The following TTC8 variants were observed in gnomAD, a reference collection of about 807,000 sequenced individuals.
TTC8 encodes tetratricopeptide repeat domain 8, also known as tetratricopeptide repeat protein 8.
TTC8 carries 47 observed loss-of-function variants against 72.5 expected under a neutral mutation model. The observed-to-expected ratio is 0.65, with a 90% CI of 0.51 to 0.83. The LOEUF (loss-of-function observed/expected upper bound fraction) is 0.83, where lower values mean the gene tolerates loss of function less well. Ranked by LOEUF, TTC8 falls within the 40% of genes least tolerant of loss-of-function variation. The probability of loss-of-function intolerance (pLI) is 0.00; values close to 1 mark genes in which losing one functional copy is unlikely to be tolerated. For missense variants in TTC8, 611 were observed against 623.2 expected (o/e 0.98, Z 0.21); for synonymous variants, 199 against 221.4 (o/e 0.90, Z 0.90).
intron 10 of TTC8, among the ~76,000 whole-genome samples, chr14:88,863,998 A>G (rs1418983047): frequency 2.0e-5 from 3 of 152,174 alleles, no homozygotes; most frequent in African/African-American, 7.2e-5. Flanking sequence ...CTTCCAATAT[A>G]ATATTGAACA....
At chr14:88,834,301 G>A (rs2094739815) in intron 2 of TTC8, among the ~76,000 whole-genome samples, 1 of 152,128 alleles carries the variant, frequency 6.6e-6, no homozygotes, top group South Asian at 2.1e-4. Flanking sequence ...TGAATTGGGA[G>A]GAAACCCTGG....
At chr14:88,880,640 T>TC (rs1250392197), downstream of TTC8, 5 of 152,092 alleles carry the variant, frequency 3.3e-5, no homozygotes, top group African/African-American at 1.2e-4. Context: ...TATTTGAAAC[T>TC]CAAGTTTTTA....
At chr14:88,853,157 G>C in intron 8 of TTC8, 101 bp downstream of exon 8, 1 of 815,658 alleles carries the variant, frequency 1.2e-6, no homozygotes. Context: ...ATGAAGAAAT[G>C]AGAACTGTGT....
intron 9 of TTC8, among the ~76,000 whole-genome samples, chr14:88,857,583 A>G (rs544770821): frequency 4.6e-5 from 7 of 152,316 alleles, no homozygotes; most frequent in Admixed American, 1.3e-4. Flanking sequence ...CTTATTTTCT[A>G]CAGTACCTTT....
At chr14:88,827,021 A>G (rs1035117173) in intron 1 of TTC8, among the ~76,000 whole-genome samples, 1 of 151,646 alleles carries the variant, frequency 6.6e-6, no homozygotes, top group Non-Finnish European at 1.5e-5. Context: ...TGACCACCGG[A>G]TTCCTTTTTT....
At chr14:88,839,725 A>G (rs974569468) in intron 3 of TTC8, among the ~76,000 whole-genome samples, 153 bp downstream of exon 3, 6 of 152,194 alleles carry the variant, frequency 3.9e-5, no homozygotes, top group African/African-American at 1.4e-4. Context: ...CATTACTTCA[A>G]GTAAATGGTT....
intron 7 of TTC8, chr14:88,846,573 TG>T (rs1566841109): frequency 7.9e-7 from 1 of 1,272,428 alleles, no homozygotes; most frequent in South Asian, 1.3e-5. Context: ...TTGTAGGTCA[TG>T]GTGACAATGT....
At chr14:88,839,251 T>TA (rs1351899413) in intron 2 of TTC8, among the ~76,000 whole-genome samples, 3 of 152,120 alleles carry the variant, frequency 2.0e-5, no homozygotes, top group Non-Finnish European at 4.4e-5. Flanking sequence ...ATGTAATTGA[T>TA]ACATTGGTTG....
At chr14:88,837,437 T>G (rs1430523595) in intron 2 of TTC8, among the ~76,000 whole-genome samples, 2 of 152,220 alleles carry the variant, frequency 1.3e-5, no homozygotes, top group Admixed American at 1.3e-4. Flanking sequence ...TCCCATTACA[T>G]GGAAATTCTT....
intron 7 of TTC8, chr14:88,846,774 C>A: frequency 1.6e-6 from 1 of 627,252 alleles, no homozygotes; most frequent in Non-Finnish European, 2.5e-6. Context: ...CATAGTTCTT[C>A]ATGCATATGA....
At chr14:88,878,622 G>C (rs1470447204), downstream of TTC8, 1 of 152,106 alleles carries the variant, frequency 6.6e-6, no homozygotes, top group Admixed American at 6.5e-5. Context: ...ACCTTTCTTG[G>C]TTCTCTGTGA....
At chr14:88,843,732 G>C in intron 6 of TTC8, 74 bp from the exon 7 acceptor site, 2 of 1,064,892 alleles carry the variant, frequency 1.9e-6, no homozygotes, top group Non-Finnish European at 2.8e-6. Context: ...TAAATCCAGG[G>C]CTTTAGAGTA....
At chr14:88,867,645 T>G (rs956432074) in intron 10 of TTC8, among the ~76,000 whole-genome samples, 5 of 152,232 alleles carry the variant, frequency 3.3e-5, no homozygotes, top group African/African-American at 1.2e-4. Flanking sequence ...TTATAAAACT[T>G]AATTGAAAAC....
At chr14:88,857,425 G>A in intron 9 of TTC8, 148 bp downstream of exon 9, 20 of 718,136 alleles carry the variant, frequency 2.8e-5, no homozygotes, top group Admixed American at 1.3e-4. Flanking sequence ...TACAGCAAGG[G>A]AAAAAATGAG....
At chr14:88,829,775 A>C (rs1595926509) in intron 1 of TTC8, among the ~76,000 whole-genome samples, 1 of 152,304 alleles carries the variant, frequency 6.6e-6, no homozygotes, top group African/African-American at 2.4e-5. Flanking sequence ...GCTGAAAATG[A>C]CTGGCTTAGA....
At chr14:88,843,903 A>C in intron 7 of TTC8, 53 bp downstream of exon 7, 1 of 1,296,778 alleles carries the variant, frequency 7.7e-7, no homozygotes, top group Non-Finnish European at 1.1e-6. Context: ...CTGACTTTGG[A>C]AGTTTAGATT....
Position 88,871,620 on chromosome 14 carries a change from A to C in TTC8, c.1121A>C (p.Gln374Pro), listed in dbSNP as rs1390494200. The change falls in exon 12 of 15, where the codon CAG becomes CCG. Residue 374 changes from glutamine (Q) to proline (P), a missense_variant. Coordinates refer to ENST00000380656, the MANE Select transcript of TTC8 (RefSeq NM_144596.4). This position sits in a 1 kb window ranked among gnomAD's most constrained non-coding sequence, Gnocchi z 4.1. Reference sequence around the variant, plus strand: ...CTGGGGCTGTGTTGCTTCTATGCCCAGCAGTATGATATGACTCTGACCTCA... The same window carrying C: ...CTGGGGCTGTGTTGCTTCTATGCCCCGCAGTATGATATGACTCTGACCTCA... ...NNLGLCCFYA[Q>P]QYDMTLTSFE... 6.2e-7 allele frequency: 1 copy of C among 1,614,130 alleles called. No individual in the cohort carries two copies. The highest frequency in any genetic ancestry group is 8.5e-7 in the Non-Finnish European group (1 of 1,180,014).
Position 88,824,809 on chromosome 14 carries a change from C to A in TTC8, c.102C>A (p.Ser34=), listed in dbSNP as rs764582038. Residue 34 remains serine (S), a synonymous_variant, in exon 1 of 15, where the codon TCC becomes TCA. Coordinates refer to ENST00000380656, the MANE Select transcript of TTC8 (RefSeq NM_144596.4). The part of the protein sequence containing the change: ...ADLCTQMLEK[S]PYDQEPDPEL... ...TATGCACGCAGATGCTGGAGAAGTC[C>A]CCTTATGACCAGGTACCGGCCAGCT... is the stretch of plus-strand genomic sequence containing the variant. The A allele has an allele frequency of 1.9e-6, 3 of 1,613,164 alleles. No homozygotes were observed. The highest frequency in any genetic ancestry group is 1.1e-5 in the South Asian group (1 of 90,840).
At chr14:88,847,323 CAA>C (rs1222277738) in intron 7 of TTC8, among the ~76,000 whole-genome samples, 1 of 152,078 alleles carries the variant, frequency 6.6e-6, no homozygotes, top group Non-Finnish European at 1.5e-5. Context: ...GCAAACAAAA[CAA>C]GAGGGAGGTG....
Sources: gnomAD v4.1 joint callset for allele counts (sites outside exome capture counted in the v4.1 genomes callset) on GRCh38, gnomAD v4.1.1 for gene constraint, Gnocchi (gnomAD v3.1) non-coding constraint, MANE v1.5 for transcripts, NCBI Gene and HGNC (gene_info 2026-07-23, HGNC 2026-07-21) for gene names.